Variants in TTC6 observed in about 807,000 individuals in gnomAD.
The protein encoded by TTC6 is tetratricopeptide repeat domain 6.
A neutral mutation model predicts 210.4 loss-of-function variants in TTC6; 172 were observed. The observed-to-expected ratio is 0.82, with a 90% CI of 0.72 to 0.93. The LOEUF (loss-of-function observed/expected upper bound fraction) is 0.93. Ranked by LOEUF, TTC6 falls within the 40% of genes least tolerant of loss-of-function variation. TTC6 has a pLI of 0.00. For missense variants in TTC6, 2,414 were observed against 2,318.1 expected, an observed-to-expected ratio of 1.04 and a Z score of -0.85; for synonymous variants, 804 against 819.6, an observed-to-expected ratio of 0.98 and a Z score of 0.32.
chr14:37,755,430 G>A (rs2139063249), intron 14 of TTC6, among the ~76,000 whole-genome samples: 1 of 152,264 alleles, frequency 6.6e-6, no homozygotes, highest in African/African-American at 2.4e-5. Context: ...TGCTTTTGGT[G>A]TTTTAGACAT....
chr14:37,751,107 C>T, exon 13 of TTC6: 2 of 1,527,574 alleles, frequency 1.3e-6, no homozygotes, highest in Non-Finnish European at 1.8e-6. Context: ...ATAACTTTGG[C>T]AATTCTAAAC....
At chr14:37,790,916 C>T in intron 16 of TTC6, 79 bp downstream of exon 18, 2 of 1,253,266 alleles carry the variant, frequency 1.6e-6, no homozygotes, top group Non-Finnish European at 2.2e-6. Context: ...AAGTTTCTTT[C>T]CCCTCATCAT....
intron 26 of TTC6, among the ~76,000 whole-genome samples, chr14:37,818,872 TGG>T (rs1371319515): frequency 6.6e-6 from 1 of 152,156 alleles, no homozygotes; most frequent in African/African-American, 2.4e-5. Flanking sequence ...TTTGTTTTGG[TGG>T]GTGGGTGAAG....
chr14:37,804,729 A>C lies in TTC6; in HGVS notation c.4079A>C (p.Asp1360Ala), dbSNP rs781267836. 12 of 1,614,188 alleles carry C rather than the reference A, an allele frequency of 7.4e-6. No homozygotes were observed. In the South Asian group the frequency reaches 1.3e-4, roughly 18 times the overall value. ...GCTTTGGATGCCATTTCTCATTCTG[A>C]TAAAGGACCAGATGCCACAGCAATT... Residue 1360 changes from aspartate (D) to alanine (A), a missense_variant, in exon 21 of 31, where the codon GAT becomes GCT. Transcript: ENST00000553443.
At chr14:37,770,520 G>C (rs1238467002) in intron 14 of TTC6, among the ~76,000 whole-genome samples, 2 of 151,804 alleles carry the variant, frequency 1.3e-5, no homozygotes, top group Non-Finnish European at 2.9e-5. Flanking sequence ...AGGATAGTTA[G>C]CTCTTCTTGT....
intron 5 of TTC6, among the ~76,000 whole-genome samples, chr14:37,705,032 T>A (rs1463053036): frequency 1.3e-5 from 2 of 152,168 alleles, no homozygotes; most frequent in African/African-American, 4.8e-5. Context: ...TATCTAAAAC[T>A]GCTTGTGTAT....
chr14:37,798,382 A>G (rs1288452913), intron 20 of TTC6, among the ~76,000 whole-genome samples: 1 of 86,766 alleles, frequency 1.2e-5, no homozygotes, highest in African/African-American at 3.1e-5. Context: ...TGCTACTATT[A>G]TAAAGGGTAT....
At position 37,756,944 on chromosome 14, in the gene TTC6, C is replaced by A. The variant is rs537846727; in HGVS notation, c.3266+3709C>A. Among the ~76,000 whole-genome samples the A allele has an allele frequency of 6.3e-4, 96 of 152,158 alleles. 1 individual carries two copies. Among genetic ancestry groups the A allele is most frequent in the African/African-American group, 2.3e-3 (94 of 41,522 alleles). ...GAATGGTACTAGCTTCTCTTTGTACCTCTGGTAGAATTCGTCTGTGAATCT... is the reference window on the plus strand; with the variant it reads ...GAATGGTACTAGCTTCTCTTTGTACATCTGGTAGAATTCGTCTGTGAATCT... On this transcript the variant is annotated intron_variant, in intron 14 of 30. Transcript: ENST00000553443.
intron 10 of TTC6, among the ~76,000 whole-genome samples, chr14:37,745,699 G>A (rs544013023): frequency 2.6e-5 from 4 of 152,178 alleles, no homozygotes; most frequent in African/African-American, 9.7e-5. Flanking sequence ...GGGATTTGTA[G>A]TGGGTATCTG....
At chr14:37,703,829 T>G (rs2095830192) in intron 5 of TTC6, among the ~76,000 whole-genome samples, 1 of 152,134 alleles carries the variant, frequency 6.6e-6, no homozygotes, top group Non-Finnish European at 1.5e-5. Context: ...TAAAAATGAT[T>G]TGTATATTAT....
chr14:37,828,830 C>CT (rs920627400), intron 29 of TTC6, among the ~76,000 whole-genome samples: 3 of 151,786 alleles, frequency 2.0e-5, no homozygotes, highest in Non-Finnish European at 2.9e-5. Context: ...TACATTCATA[C>CT]TTTTTTTTCA....
chr14:37,665,039 C>T (rs1020991318), intron 1 of TTC6, among the ~76,000 whole-genome samples: 2 of 150,630 alleles, frequency 1.3e-5, no homozygotes, highest in African/African-American at 4.8e-5. Context: ...AATACTTTTA[C>T]ACTGTTGGTG....
intron 3 of TTC6, among the ~76,000 whole-genome samples, chr14:37,694,441 T>C (rs2095810502): frequency 6.6e-6 from 1 of 152,068 alleles, no homozygotes; most frequent in Non-Finnish European, 1.5e-5. Context: ...CTGGCAGGGA[T>C]GTGGAGAAAA....
At chr14:37,770,106 A>T (rs971262808) in intron 14 of TTC6, among the ~76,000 whole-genome samples, 1 of 151,958 alleles carries the variant, frequency 6.6e-6, no homozygotes, top group African/African-American at 2.4e-5. Flanking sequence ...CATGTAGTTG[A>T]GCGGTTTTGA....
At chr14:37,645,941 C>G (rs914456639) in intron 1 of TTC6, among the ~76,000 whole-genome samples, 2 of 152,064 alleles carry the variant, frequency 1.3e-5, no homozygotes, top group African/African-American at 4.8e-5. Context: ...ATATAACACC[C>G]TTTTTGTAAC....
At chr14:37,700,923 C>T (rs1309828195) in intron 4 of TTC6, among the ~76,000 whole-genome samples, 1 of 152,008 alleles carries the variant, frequency 6.6e-6, no homozygotes, top group African/African-American at 2.4e-5. Flanking sequence ...CTATATTGTT[C>T]CACTTCTTTA....
At chr14:37,745,287 A>G (rs2095932547) in intron 10 of TTC6, among the ~76,000 whole-genome samples, 1 of 152,202 alleles carries the variant, frequency 6.6e-6, no homozygotes, top group Non-Finnish European at 1.5e-5. Context: ...GATAATTTAT[A>G]GTCACTTTCT....
chr14:37,605,937 C>A (rs552233092), intron 1 of TTC6, among the ~76,000 whole-genome samples: 83 of 148,800 alleles, frequency 5.6e-4, no homozygotes, highest in African/African-American at 1.8e-3. Flanking sequence ...CTATTTTTAT[C>A]CTGCCTTAAG....
chr14:37,597,844 A>C (rs915816132), intron 1 of TTC6, among the ~76,000 whole-genome samples: 1 of 152,192 alleles, frequency 6.6e-6, no homozygotes, highest in African/African-American at 2.4e-5. Context: ...TTAGGTTCTT[A>C]GAGCCGAGGC....
Sources: gnomAD v4.1 joint callset for allele counts (sites outside exome capture counted in the v4.1 genomes callset) on GRCh38, gnomAD v4.1.1 for gene constraint, MANE v1.5 for transcripts, NCBI Gene and HGNC (gene_info 2026-07-23, HGNC 2026-07-21) for gene names.